WDR70: variants seen among roughly 807,000 people sequenced by gnomAD.
WDR70 encodes WD repeat-containing protein 70.
Under a neutral mutation model 88.6 loss-of-function variants are expected in WDR70, and 53 were observed. The observed-to-expected ratio is 0.60, with a 90% confidence interval of 0.48 to 0.75. The LOEUF (loss-of-function observed/expected upper bound fraction) is 0.75, where lower values mean the gene tolerates loss of function less well. Among genes scored for constraint, WDR70 ranks in the 30% least tolerant of loss-of-function variants. The pLI, the probability that WDR70 is intolerant of heterozygous loss-of-function variation, is 0.00. For missense variants in WDR70, 610 were observed against 823.2 expected (o/e 0.74, Z 3.17); for synonymous variants, 280 against 270.0 (o/e 1.04, Z -0.36).
chr5:37,527,657 CTG>C (rs1741331845), intron 9 of WDR70, among the ~76,000 whole-genome samples: 1 of 152,184 alleles, frequency 6.6e-6, no homozygotes, highest in Non-Finnish European at 1.5e-5. Context: ...TAAAGAGCTT[CTG>C]CACAGCAAAA....
rs185386670 is a variant in WDR70 at position 37,488,338 on chromosome 5, A to G, written c.840+8351A>G. ...GCTATCTTCTTGTATCTGTATGTCT[A>G]AGTCTCCTGTTAGACTTGAAAAGTT... On this transcript the variant is annotated intron_variant, in intron 8 of 17. Coordinates refer to ENST00000265107, the MANE Select transcript of WDR70 (RefSeq NM_018034.4). Among the ~76,000 whole-genome samples the G allele has an allele frequency of 2.5e-3, 378 of 151,960 alleles. 1 individual carries two copies. The highest frequency in any genetic ancestry group is 0.01 in the Middle Eastern group (3 of 294).
chr5:37,580,713 TC>T (rs1290177521), intron 9 of WDR70, among the ~76,000 whole-genome samples: 1 of 152,210 alleles, frequency 6.6e-6, no homozygotes, highest in Non-Finnish European at 1.5e-5. Context: ...TTTTTAGAAG[TC>T]CCGAGAGTTA....
At chr5:37,530,318 C>A (rs1030457178) in intron 9 of WDR70, among the ~76,000 whole-genome samples, 1 of 152,104 alleles carries the variant, frequency 6.6e-6, no homozygotes, top group Non-Finnish European at 1.5e-5. Context: ...ATACCTGCTT[C>A]ATAGAGTGAT....
intron 10 of WDR70, among the ~76,000 whole-genome samples, chr5:37,619,078 A>T (rs1177204410): frequency 6.6e-6 from 1 of 152,208 alleles, no homozygotes; most frequent in Non-Finnish European, 1.5e-5. Context: ...AAATGATTTT[A>T]TAAAACGTAT....
At chr5:37,542,111 C>T (rs1317323625) in intron 9 of WDR70, among the ~76,000 whole-genome samples, 1 of 152,002 alleles carries the variant, frequency 6.6e-6, no homozygotes, top group African/African-American at 2.4e-5. Context: ...AATTTAGGCT[C>T]TCAGTGATAT....
chr5:37,734,987 C>T (rs1192455406), intron 17 of WDR70, among the ~76,000 whole-genome samples: 1 of 152,060 alleles, frequency 6.6e-6, no homozygotes, highest in Non-Finnish European at 1.5e-5. Context: ...TCTATATGTA[C>T]CCTCAAACTG....
chr5:37,397,795 C>A (rs1191045669), intron 5 of WDR70, among the ~76,000 whole-genome samples: 1 of 152,024 alleles, frequency 6.6e-6, no homozygotes, highest in East Asian at 2.0e-4. Flanking sequence ...GAGATTGAGA[C>A]CATCCTGGCC....
At chr5:37,730,281 T>A (rs1176649198) in intron 17 of WDR70, among the ~76,000 whole-genome samples, 1 of 152,178 alleles carries the variant, frequency 6.6e-6, no homozygotes, top group African/African-American at 2.4e-5. Context: ...GGAATACTAT[T>A]TATAAATATG....
chr5:37,520,970 A>G (rs893451289), intron 9 of WDR70, among the ~76,000 whole-genome samples: 1 of 152,206 alleles, frequency 6.6e-6, no homozygotes, highest in Non-Finnish European at 1.5e-5. Context: ...CAAATACACT[A>G]TTGGACCACA....
Position 37,721,206 on chromosome 5 carries a change from A to G in WDR70, c.1508A>G (p.Lys503Arg). Residue 503 changes from lysine (K) to arginine (R), a missense_variant, in exon 14 of 18, where the codon AAG (lysine) becomes AGG (arginine). Transcript: ENST00000265107. ...GCTAAAGTCTATTACGACCCCAACAAGAGTCAGAGGTATTTCATAAGTATT... is the reference window on the plus strand; with the variant it reads ...GCTAAAGTCTATTACGACCCCAACAGGAGTCAGAGGTATTTCATAAGTATT... ...GLAKVYYDPN[K>R]SQRGAKLCVV... The G allele has an allele frequency of 6.2e-7, 1 of 1,613,604 alleles. No individual in the cohort carries two copies. Among genetic ancestry groups the G allele is most frequent in the Non-Finnish European group, 8.5e-7 (1 of 1,179,666 alleles).
intron 9 of WDR70, among the ~76,000 whole-genome samples, chr5:37,545,465 T>C (rs2112337259): frequency 6.6e-6 from 1 of 152,224 alleles, no homozygotes. Flanking sequence ...TAACATAATC[T>C]CATAATTTTT....
rs771900144 is a variant in WDR70, at chr5:37,527,083, C to A, written c.917+10493C>A. Among the ~76,000 whole-genome samples, 75 of 152,150 alleles carry A rather than the reference C, an allele frequency of 4.9e-4. 1 individual carries two copies. The highest frequency in any genetic ancestry group is 5.9e-4 in the Non-Finnish European group (40 of 68,002). ...AGGTAATTTATAGATTCAATGCCAT[C>A]CCCATCAAGCTACCAATGACTTTCT... On this transcript the variant is annotated intron_variant, in intron 9 of 17. Transcript: ENST00000265107.
chr5:37,498,862 A>G (rs1179705929), intron 8 of WDR70, among the ~76,000 whole-genome samples: 2 of 152,158 alleles, frequency 1.3e-5, no homozygotes, highest in Admixed American at 1.3e-4. Context: ...TAGGGGTGTG[A>G]TTGCTGATCG....
intron 10 of WDR70, 49 bp from the exon 11 acceptor site, chr5:37,697,606 C>A: frequency 1.3e-6 from 2 of 1,488,552 alleles, no homozygotes; most frequent in South Asian, 1.1e-5. Flanking sequence ...AAACTGTTCT[C>A]TTCTGAATTG....
At chr5:37,509,318 A>G (rs2112238615) in intron 8 of WDR70, among the ~76,000 whole-genome samples, 1 of 152,148 alleles carries the variant, frequency 6.6e-6, no homozygotes, top group South Asian at 2.1e-4. Flanking sequence ...TATTCAGTTC[A>G]CTTGGGATTA....
chr5:37,516,706 TATATAC>T lies in WDR70; in HGVS notation c.917+122_917+127del, dbSNP rs1186685338. On this transcript the variant is annotated intron_variant, in intron 9 of 17. Transcript: ENST00000265107. ...TAAGTGGAATATTAGGAATTCTTAT[TATATAC>T]ATATATATATATATTTTTTTTTTTT... is the stretch of plus-strand genomic sequence containing the variant. 8 of 187,442 alleles carry T rather than the reference TATATAC, an allele frequency of 4.3e-5. 1 individual carries two copies. Among genetic ancestry groups the T allele is most frequent in the South Asian group, 4.7e-4 (2 of 4,292 alleles). The allele number at this position is 187,442 out of a possible 1,614,324, so 11.6% of individuals were successfully genotyped here. A position where few individuals can be genotyped will look rare whatever the true frequency, so the allele number is the denominator to read the frequency against.
intron 17 of WDR70, among the ~76,000 whole-genome samples, chr5:37,730,206 A>G (rs543684173): frequency 1.2e-3 from 187 of 152,282 alleles, no homozygotes; most frequent in African/African-American, 4.5e-3. Flanking sequence ...TCCACAAAGT[A>G]GTTGGTTATC....
chr5:37,530,347 TTCTC>T (rs1182358120), intron 9 of WDR70, among the ~76,000 whole-genome samples: 3 of 152,152 alleles, frequency 2.0e-5, no homozygotes, highest in African/African-American at 7.2e-5. Context: ...GATTCCCTCT[TTCTC>T]TATCCTGTGG....
At chr5:37,675,950 G>T (rs199720421) in intron 10 of WDR70, among the ~76,000 whole-genome samples, 2 of 151,756 alleles carry the variant, frequency 1.3e-5, no homozygotes, top group Non-Finnish European at 2.9e-5. Flanking sequence ...GGTCCTTCAC[G>T]TCCCTTGTAA....
Sources: allele counts gnomAD v4.1 joint callset (sites outside exome capture counted in the v4.1 genomes callset), GRCh38; gene constraint gnomAD v4.1.1; transcripts MANE v1.5; gene names NCBI Gene and HGNC (gene_info 2026-07-23, HGNC 2026-07-21).